The following LRRC7 variants were observed in gnomAD, a reference collection of about 807,000 sequenced individuals.
The protein encoded by LRRC7 is leucine rich repeat containing 7.
A neutral mutation model predicts 175.7 loss-of-function variants in LRRC7; 23 were observed. The ratio of observed to expected loss-of-function variants is 0.13; its 90% CI spans 0.09 to 0.19. The LOEUF is 0.19. Among genes scored for constraint, LRRC7 ranks in the 10% least tolerant of loss-of-function variants. The probability of loss-of-function intolerance (pLI) is 1.00; values close to 1 mark genes in which losing one functional copy is unlikely to be tolerated. For synonymous variants in LRRC7, 685 were observed against 680.9 expected (o/e 1.01, Z -0.09); for missense variants, 1,354 against 1,904.7 (o/e 0.71, Z 5.38).
chr1:69,774,135 G>A (rs1468710911), intron 3 of LRRC7, among the ~76,000 whole-genome samples: 1 of 152,108 alleles, frequency 6.6e-6, no homozygotes, highest in East Asian at 1.9e-4. Flanking sequence ...CAGGGACCAG[G>A]GCCCAGTTCA....
chr1:69,652,101 G>C (rs227108), intron 1 of LRRC7, among the ~76,000 whole-genome samples: 24,403 of 152,116 alleles, frequency 0.16, 2,099 homozygotes, highest in Admixed American at 0.2. Context: ...TTAGAAGCCA[G>C]AATACTTTGG....
In LRRC7 at chr1:69,909,024, A is replaced by G. The variant is rs1201974810; in HGVS notation, c.648-22483A>G. Reference sequence around the variant, plus strand: ...GAATTGATCCCTTTACCATTATGTAATGGCCTTCTTTGTCTCTTTTGATCT... The same window carrying G: ...GAATTGATCCCTTTACCATTATGTAGTGGCCTTCTTTGTCTCTTTTGATCT... On this transcript the variant is annotated intron_variant, in intron 7 of 26. Transcript: ENST00000651989. Among the ~76,000 whole-genome samples, 829 of 151,710 alleles carry G rather than the reference A, an allele frequency of 5.5e-3. 8 individuals are homozygous for G. Among genetic ancestry groups the G allele is most frequent in the African/African-American group, 0.019 (788 of 41,316 alleles).
chr1:69,893,402 G>C (rs898963924), intron 7 of LRRC7, among the ~76,000 whole-genome samples: 1 of 152,108 alleles, frequency 6.6e-6, no homozygotes, highest in Non-Finnish European at 1.5e-5. Flanking sequence ...CATTAACCTC[G>C]TAAGAGGAGC....
chr1:70,134,497 G>T lies in LRRC7; in HGVS notation c.*12610G>T, dbSNP rs1341208426. 6.6e-6 allele frequency among the ~76,000 whole-genome samples: 1 copy of T among 152,084 alleles called. No individual in the cohort carries two copies. The highest frequency in any genetic ancestry group is 6.6e-5 in the Admixed American group (1 of 15,262). ...TTCCATCAAAGCCCTACTTATATGG[G>T]TTTCAGGTGTTCCCCTGCCAACCAT... On this transcript the variant is annotated 3_prime_UTR_variant, in exon 27 of 27. Coordinates refer to ENST00000651989, the MANE Select transcript of LRRC7 (RefSeq NM_001370785.2).
intron 4 of LRRC7, 64 bp from the exon 5 acceptor site, chr1:69,825,684 G>C: frequency 9.8e-7 from 1 of 1,019,428 alleles, no homozygotes; most frequent in Non-Finnish European, 1.5e-6. Flanking sequence ...CTAAATATTA[G>C]AACTATAGTT....
At chr1:69,721,702 A>G (rs1570507092) in intron 2 of LRRC7, among the ~76,000 whole-genome samples, 3 of 151,766 alleles carry the variant, frequency 2.0e-5, no homozygotes, top group African/African-American at 4.8e-5. Context: ...CCTGTTTTCA[A>G]TTTTTTGCCA....
intron 2 of LRRC7, among the ~76,000 whole-genome samples, chr1:69,737,174 C>T (rs1337787020): frequency 6.6e-6 from 1 of 152,078 alleles, no homozygotes; most frequent in African/African-American, 2.4e-5. Flanking sequence ...CAGCTGTGTC[C>T]CCACCCAAAT....
At chr1:69,623,862 T>C (rs1651055675) in intron 1 of LRRC7, among the ~76,000 whole-genome samples, 1 of 152,200 alleles carries the variant, frequency 6.6e-6, no homozygotes, top group Admixed American at 6.5e-5. Flanking sequence ...AAATTCAGTT[T>C]ATCCATGTTC....
rs1359785439 is a variant in LRRC7 at position 70,132,472 on chromosome 1, T to C, written c.*10585T>C. Reference sequence around the variant, plus strand: ...CTTTTCTTTTCTTTTTTTTTTTTTTTTTTTTTTTTTTGAGACGGAGTCTCA... The same window carrying C: ...CTTTTCTTTTCTTTTTTTTTTTTTTCTTTTTTTTTTTGAGACGGAGTCTCA... On this transcript the variant is annotated 3_prime_UTR_variant, in exon 27 of 27. Coordinates refer to ENST00000651989, the MANE Select transcript of LRRC7 (RefSeq NM_001370785.2). Among the ~76,000 whole-genome samples, 1 of 135,756 alleles carries C rather than the reference T, an allele frequency of 7.4e-6. No individual in the cohort carries two copies. The highest frequency in any genetic ancestry group is 1.6e-5 in the Non-Finnish European group (1 of 63,320). 89.1% of individuals were successfully genotyped at this position (135,756 alleles called of 152,430 possible).
chr1:69,976,179 G>A (rs1205893295), intron 8 of LRRC7, among the ~76,000 whole-genome samples: 4 of 152,108 alleles, frequency 2.6e-5, no homozygotes, highest in Admixed American at 2.6e-4. Flanking sequence ...ATAATATAAA[G>A]GGGAGTTTAT....
At chr1:69,622,929 T>C (rs1650867839) in intron 1 of LRRC7, among the ~76,000 whole-genome samples, 1 of 152,204 alleles carries the variant, frequency 6.6e-6, no homozygotes, top group Non-Finnish European at 1.5e-5. Context: ...GATGATGGGC[T>C]CAGGTCCTTC....
chr1:69,645,521 A>G (rs1440628075), intron 1 of LRRC7, among the ~76,000 whole-genome samples: 1 of 151,910 alleles, frequency 6.6e-6, no homozygotes, highest in South Asian at 2.1e-4. Context: ...TTTTTGTTCA[A>G]TTCTCAACAT....
At chr1:69,598,346 C>T (rs369778668) in intron 1 of LRRC7, among the ~76,000 whole-genome samples, 1 of 152,010 alleles carries the variant, frequency 6.6e-6, no homozygotes, top group South Asian at 2.1e-4. Flanking sequence ...ATCAGTAGTA[C>T]AATTATTGCC....
intron 24 of LRRC7, among the ~76,000 whole-genome samples, chr1:70,083,475 GA>G (rs1290487949): frequency 1.3e-5 from 2 of 152,100 alleles, no homozygotes; most frequent in Non-Finnish European, 2.9e-5. Context: ...TACATACCAT[GA>G]AGCATTCTTT....
intron 8 of LRRC7, among the ~76,000 whole-genome samples, chr1:69,939,031 C>A (rs3068401): frequency 0.25 from 13,956 of 55,346 alleles, 1,535 homozygotes; most frequent in East Asian, 0.45. Flanking sequence ...ATATATATAT[C>A]TATATATATC....
chr1:70,038,254 G>A lies in LRRC7; in HGVS notation c.2430G>A (p.Ser810=), dbSNP rs12567778. 37,113 of 1,614,050 alleles carry A rather than the reference G, an allele frequency of 0.023. 1,251 individuals carry two copies. Among genetic ancestry groups the A allele is most frequent in the East Asian group, 0.16 (7,223 of 44,842 alleles). ...TCACTGACAACTGGACTGATGGCTC[G>A]CATTATGACAACACAGGGTTTGTTG... ...DTFTDNWTDG[S]HYDNTGFVAE... Residue 810 remains serine (S), a synonymous_variant, in exon 21 of 27, where the codon TCG becomes TCA. Coordinates refer to ENST00000651989, the MANE Select transcript of LRRC7 (RefSeq NM_001370785.2).
intron 17 of LRRC7, among the ~76,000 whole-genome samples, chr1:70,025,392 A>C (rs1035417818): frequency 6.6e-6 from 1 of 151,946 alleles, no homozygotes; most frequent in Non-Finnish European, 1.5e-5. Flanking sequence ...ACTGAATTAA[A>C]TAACTGTTGC....
At chr1:69,610,685 T>C (rs1167306368) in intron 1 of LRRC7, among the ~76,000 whole-genome samples, 1 of 152,024 alleles carries the variant, frequency 6.6e-6, no homozygotes, top group African/African-American at 2.4e-5. Context: ...AGGACATTTT[T>C]AAGAGAGAGC....
chr1:69,807,390 C>A (rs187612640), intron 4 of LRRC7, among the ~76,000 whole-genome samples: 1 of 151,940 alleles, frequency 6.6e-6, no homozygotes, highest in African/African-American at 2.4e-5. Flanking sequence ...TCTTCCTAGC[C>A]TTGATGGTCT....
Sources: gnomAD v4.1 joint callset for allele counts (sites outside exome capture counted in the v4.1 genomes callset) on GRCh38, gnomAD v4.1.1 for gene constraint, MANE v1.5 for transcripts, NCBI Gene and HGNC (gene_info 2026-07-23, HGNC 2026-07-21) for gene names.